Variants in TNS3 observed in about 807,000 individuals in gnomAD.
TNS3 encodes the protein tensin-3.
Under a neutral mutation model 140.9 loss-of-function variants are expected in TNS3, and 45 were observed. The ratio of observed to expected loss-of-function variants is 0.32; its 90% CI spans 0.25 to 0.41. The LOEUF is 0.41. Among genes scored for constraint, TNS3 ranks in the 10% least tolerant of loss-of-function variants. The pLI, the probability that TNS3 is intolerant of heterozygous loss-of-function variation, is 1.00. For missense variants in TNS3, 1,716 were observed against 1,906.7 expected, an observed-to-expected ratio of 0.90 and a Z score of 1.86; for synonymous variants, 815 against 788.4, an observed-to-expected ratio of 1.03 and a Z score of -0.56.
chr7:47,481,046 A>G, intron 4 of TNS3, 57 bp downstream of exon 4: 1 of 1,263,184 alleles, frequency 7.9e-7, no homozygotes, highest in Non-Finnish European at 1.0e-6. Context: ...GCTTCAAGAA[A>G]GGACTTAGTC....
intron 1 of TNS3, among the ~76,000 whole-genome samples, chr7:47,547,699 C>T (rs576472435): frequency 1.3e-5 from 2 of 152,258 alleles, no homozygotes; most frequent in East Asian, 3.9e-4. Flanking sequence ...TCTACGCCGC[C>T]ATCCACCCCT....
In TNS3 at chr7:47,314,674, C is replaced by T. The variant is rs112654090; in HGVS notation, c.2651-9671G>A. ...AGCAATGTTAAAAATGAGGACAGGACGTGGGCTGAGCTCCTTGTTGTGGGG... is the reference window on the plus strand; with the variant it reads ...AGCAATGTTAAAAATGAGGACAGGATGTGGGCTGAGCTCCTTGTTGTGGGG... On this transcript the variant is annotated intron_variant, in intron 20 of 30. Coordinates refer to ENST00000311160, the MANE Select transcript of TNS3 (RefSeq NM_022748.12). Among the ~76,000 whole-genome samples, 370 of 152,288 alleles carry T rather than the reference C, an allele frequency of 2.4e-3. 2 individuals are homozygous for T. The highest frequency in any genetic ancestry group is 8.2e-3 in the African/African-American group (339 of 41,562).
At chr7:47,307,649 G>A (rs1461860210) in intron 20 of TNS3, among the ~76,000 whole-genome samples, 2 of 152,218 alleles carry the variant, frequency 1.3e-5, no homozygotes, top group East Asian at 1.9e-4. Flanking sequence ...TAGTGCTGGC[G>A]TAGTGGTATA....
intron 7 of TNS3, among the ~76,000 whole-genome samples, chr7:47,436,590 A>C (rs1795192650): frequency 6.6e-6 from 1 of 152,162 alleles, no homozygotes; most frequent in African/African-American, 2.4e-5. Context: ...CCAGAACTTA[A>C]AGTAAAATTT....
At chr7:47,424,285 T>C in intron 9 of TNS3, 101 bp from the exon 10 acceptor site, 1 of 1,131,470 alleles carries the variant, frequency 8.8e-7, no homozygotes, top group East Asian at 2.4e-5. Flanking sequence ...AGCGACCAGC[T>C]CCCACAAGGG....
At chr7:47,497,697 A>ACACACACACG (rs139313048) in intron 3 of TNS3, among the ~76,000 whole-genome samples, 24,451 of 148,274 alleles carry the variant, frequency 0.16, 2,354 homozygotes, top group Admixed American at 0.24. Flanking sequence ...ACACACACAC[A>ACACACACACG]GAGCAGGAAA....
At chr7:47,417,387 T>C (rs911605046) in intron 10 of TNS3, among the ~76,000 whole-genome samples, 1 of 152,220 alleles carries the variant, frequency 6.6e-6, no homozygotes, top group Non-Finnish European at 1.5e-5. Flanking sequence ...AGGGCCAAGC[T>C]GACAGCAGAA....
In TNS3 at chr7:47,389,069, GAAGAAGAAGAA is replaced by G. The variant is rs1562675063; in HGVS notation, c.1024+7720_1024+7730del. Among the ~76,000 whole-genome samples the G allele has an allele frequency of 1.2e-4, 8 of 68,588 alleles. 1 individual carries two copies. Among genetic ancestry groups the G allele is most frequent in the African/African-American group, 5.4e-4 (8 of 14,812 alleles). 45.0% of individuals were successfully genotyped at this position (68,588 alleles called of 152,430 possible). On this transcript the variant is annotated intron_variant, in intron 16 of 30. Coordinates refer to ENST00000311160, the MANE Select transcript of TNS3 (RefSeq NM_022748.12). The stretch of plus-strand genomic sequence containing the variant: ...AGAAGAAGAAGAAGAAGAAGAAGAA[GAAGAAGAAGAA>G]GAAGAGGAAGAGGAAGAGGAAGCGG...
chr7:47,374,569 G>C (rs1053053313), intron 16 of TNS3, among the ~76,000 whole-genome samples: 2 of 152,190 alleles, frequency 1.3e-5, no homozygotes, highest in Non-Finnish European at 2.9e-5. Context: ...AATAAAAAGA[G>C]AATCATGACT....
chr7:47,378,520 T>C (rs972463761), intron 16 of TNS3, among the ~76,000 whole-genome samples: 1 of 152,196 alleles, frequency 6.6e-6, no homozygotes, highest in African/African-American at 2.4e-5. Context: ...TTACCAGCTG[T>C]AAAACAGTTT....
At chr7:47,365,658 G>A (rs1712807725) in intron 17 of TNS3, among the ~76,000 whole-genome samples, 1 of 152,206 alleles carries the variant, frequency 6.6e-6, no homozygotes. Flanking sequence ...CAGCTACTGG[G>A]TTGAGGCAGG....
intron 10 of TNS3, among the ~76,000 whole-genome samples, chr7:47,417,763 A>C (rs1366761088): frequency 8.2e-5 from 9 of 110,092 alleles, no homozygotes; most frequent in African/African-American, 4.3e-4. Context: ...AACAACAACA[A>C]AAAAAAACCA....
chr7:47,283,272 G>A (rs551765908), intron 28 of TNS3, among the ~76,000 whole-genome samples: 113 of 152,118 alleles, frequency 7.4e-4, no homozygotes, highest in Non-Finnish European at 1.4e-3. Flanking sequence ...ATTGGCCAAC[G>A]GAAATAGTAC....
chr7:47,355,909 C>T (rs891771925), intron 17 of TNS3, among the ~76,000 whole-genome samples: 4 of 152,100 alleles, frequency 2.6e-5, no homozygotes, highest in Admixed American at 6.5e-5. Context: ...TGTTCAGGAG[C>T]GGACACCCAC....
chr7:47,470,744 G>A (rs1796916097), intron 4 of TNS3: 1 of 753,502 alleles, frequency 1.3e-6, no homozygotes, highest in Non-Finnish European at 1.6e-6. Context: ...TTAATCATTA[G>A]CCAAGGCTTT....
chr7:47,388,100 C>T (rs1489296151), intron 16 of TNS3, among the ~76,000 whole-genome samples: 1 of 152,106 alleles, frequency 6.6e-6, no homozygotes, highest in African/African-American at 2.4e-5. Context: ...CATTCAGGCC[C>T]CCTACTCCTA....
chr7:47,342,121 C>A (rs1206128615), intron 20 of TNS3, among the ~76,000 whole-genome samples: 1 of 152,092 alleles, frequency 6.6e-6, no homozygotes, highest in Non-Finnish European at 1.5e-5. Flanking sequence ...TGTTTCCTGG[C>A]CCATAGATAT....
chr7:47,471,139 C>T (rs1446881203), intron 4 of TNS3, among the ~76,000 whole-genome samples: 2 of 151,918 alleles, frequency 1.3e-5, no homozygotes, highest in African/African-American at 2.4e-5. Context: ...TTATTTTAGG[C>T]GTGAGAGGAG....
intron 1 of TNS3, among the ~76,000 whole-genome samples, chr7:47,573,141 A>T (rs1055964308): frequency 9.9e-5 from 15 of 152,194 alleles, no homozygotes; most frequent in African/African-American, 3.6e-4. Flanking sequence ...TCGGAAAGAG[A>T]CCACGGCCCC....
Sources: gnomAD v4.1 joint callset for allele counts (sites outside exome capture counted in the v4.1 genomes callset) on GRCh38, gnomAD v4.1.1 for gene constraint, MANE v1.5 for transcripts, NCBI Gene and HGNC (gene_info 2026-07-23, HGNC 2026-07-21) for gene names.